KIAA1671: variants seen among roughly 807,000 people sequenced by gnomAD.
KIAA1671 encodes uncharacterized protein KIAA1671.
A neutral mutation model predicts 131.2 loss-of-function variants in KIAA1671; 52 were observed. The ratio of observed to expected loss-of-function variants is 0.40; its 90% CI spans 0.32 to 0.50. The LOEUF is 0.50. KIAA1671 is among the 20% of genes least tolerant of loss of function. The pLI is 0.73. For synonymous variants in KIAA1671, 1,003 were observed against 961.6 expected (o/e 1.04, Z -0.80); for missense variants, 2,360 against 2,364.2 (o/e 1.00, Z 0.04).
chr22:25,101,861 GAAGA>G (rs1568956186), intron 6 of KIAA1671, among the ~76,000 whole-genome samples: 1 of 152,198 alleles, frequency 6.6e-6, no homozygotes, highest in African/African-American at 2.4e-5. Flanking sequence ...ACCTGGAGGG[GAAGA>G]CTGATGGGTA....
chr22:25,174,581 G>A, intron 8 of KIAA1671, 92 bp downstream of exon 8: 4 of 1,407,796 alleles, frequency 2.8e-6, no homozygotes, highest in Non-Finnish European at 3.8e-6. Flanking sequence ...TGTGTGCCAG[G>A]GACCCTTGGA....
chr22:25,027,499 G>A (rs1926012318), intron 2 of KIAA1671, among the ~76,000 whole-genome samples: 1 of 152,354 alleles, frequency 6.6e-6, no homozygotes, highest in African/African-American at 2.4e-5. Flanking sequence ...TCCCACTGAG[G>A]CCTATTCAGG....
chr22:25,130,111 C>G (rs1932368677), intron 6 of KIAA1671, among the ~76,000 whole-genome samples: 1 of 151,892 alleles, frequency 6.6e-6, no homozygotes. Flanking sequence ...CAATTATTAT[C>G]AATATGATTA....
At chr22:24,955,645 G>A (rs1251535214) in intron 1 of KIAA1671, among the ~76,000 whole-genome samples, 1 of 152,154 alleles carries the variant, frequency 6.6e-6, no homozygotes, top group Non-Finnish European at 1.5e-5. Context: ...TGTGTTTTGG[G>A]AAGCTTGCCC....
Position 25,185,003 on chromosome 22 carries a change from G to A in KIAA1671, c.5226G>A (p.Val1742=), listed in dbSNP as rs1194908334. 6.4e-7 allele frequency: 1 copy of A among 1,551,596 alleles called. No individual in the cohort carries two copies. The highest frequency in any genetic ancestry group is 8.7e-7 in the Non-Finnish European group (1 of 1,146,994). ...LKAQLHKRPE[V]DSPGETPSWA... The stretch of plus-strand genomic sequence containing the variant: ...CTCAGCTGCACAAGAGGCCAGAGGT[G>A]GACAGTCCTGGCGAGACCCCCAGCT... The change falls in exon 11 of 13, where the codon GTG becomes GTA. Residue 1742 remains valine (V), a synonymous_variant. Transcript: ENST00000358431.
At chr22:25,128,430 A>G (rs142258953) in intron 6 of KIAA1671, among the ~76,000 whole-genome samples, 331 of 152,318 alleles carry the variant, frequency 2.2e-3, no homozygotes, top group African/African-American at 6.0e-3. Flanking sequence ...GAGCTGTGCT[A>G]TCTTGCCAGG....
In KIAA1671 at chr22:25,028,418, G is replaced by C. The variant is rs771580715; in HGVS notation, c.419G>C (p.Ser140Thr). ...AACAAGGCTGTGTTCCTGCGGCCCA[G>C]CTCCAGCACCATGATTCTCTTCGAA... ...LFNKAVFLRPSSSTMILFETT... is the reference protein window; with the variant it reads ...LFNKAVFLRPTSSTMILFETT... The change falls in exon 3 of 13, where the codon AGC (serine) becomes ACC (threonine). Residue 140 changes from serine to threonine, a missense_variant. By Grantham distance (58) the Ser-to-Thr change is moderately conservative (BLOSUM62 1). This residue lies in a region of KIAA1671 where 1,185 missense variants were observed against 1,126.2 expected (regional missense o/e 1.05). Coordinates refer to ENST00000358431, the MANE Select transcript of KIAA1671 (RefSeq NM_001145206.2). The C allele has an allele frequency of 4.2e-5, 65 of 1,550,874 alleles. No individual in the cohort carries two copies. Among genetic ancestry groups the C allele is most frequent in the Non-Finnish European group, 5.5e-5 (63 of 1,146,818 alleles).
At chr22:25,023,944 CAAA>C (rs55709961) in intron 1 of KIAA1671, 1 of 147,924 alleles carries the variant, frequency 6.8e-6, no homozygotes, top group Non-Finnish European at 1.5e-5. Flanking sequence ...AACTCTGTTT[CAAA>C]AAAAAAAAAT....
chr22:25,065,483 G>T (rs1194115942), intron 6 of KIAA1671, among the ~76,000 whole-genome samples: 1 of 152,066 alleles, frequency 6.6e-6, no homozygotes, highest in African/African-American at 2.4e-5. Context: ...CTTGCTACAT[G>T]CGAGTCTTCT....
chr22:24,984,257 C>T (rs1055300216), intron 1 of KIAA1671, among the ~76,000 whole-genome samples: 3 of 152,190 alleles, frequency 2.0e-5, no homozygotes, highest in Non-Finnish European at 4.4e-5. Context: ...AGCCTCAAAT[C>T]CTTTGCAGAT....
chr22:25,180,917 C>T (rs1601388836), intron 9 of KIAA1671, among the ~76,000 whole-genome samples: 1 of 152,306 alleles, frequency 6.6e-6, no homozygotes, highest in East Asian at 1.9e-4. Flanking sequence ...ACAAATACCC[C>T]CAGCTGGAAC....
intron 8 of KIAA1671, chr22:25,175,298 G>A (rs1034429466): frequency 2.0e-5 from 3 of 152,230 alleles, no homozygotes; most frequent in African/African-American, 7.2e-5. Context: ...ATGTGAAAGG[G>A]ACCCTCTCTC....
rs922382667 is a variant in KIAA1671, at chr22:25,028,155, C to T, written c.156C>T (p.Ser52=). The change falls in exon 3 of 13, where the codon AGC becomes AGT. Residue 52 remains serine (S), a synonymous_variant. Coordinates refer to ENST00000358431, the MANE Select transcript of KIAA1671 (RefSeq NM_001145206.2). ...CAGCCCGGATCTTGGAAGCGAAGAG[C>T]CCCCTGCGGAGCCCGGCCCGGTTAC... ...APPARILEAK[S]PLRSPARLLP... is the part of the protein sequence containing the mutation. The T allele has an allele frequency of 3.2e-6, 5 of 1,550,674 alleles. No homozygotes were observed. In the South Asian group the frequency reaches 3.6e-5, roughly 11 times the overall value.
At chr22:25,008,172 TGA>T (rs1373688202) in intron 1 of KIAA1671, among the ~76,000 whole-genome samples, 3 of 123,398 alleles carry the variant, frequency 2.4e-5, no homozygotes, top group Non-Finnish European at 4.7e-5. Context: ...CACTCCAGCC[TGA>T]GAGACAGAGT....
In KIAA1671 at chr22:24,967,854, G is replaced by A. The variant is rs530771226; in HGVS notation, c.-208+15082G>A. Among the ~76,000 whole-genome samples, 32 of 152,246 alleles carry A rather than the reference G, an allele frequency of 2.1e-4. No homozygotes were observed. The East Asian group carries it at 3.1e-3, about 15-fold the overall frequency. On this transcript the variant is annotated intron_variant, in intron 1 of 12. Coordinates refer to ENST00000358431, the MANE Select transcript of KIAA1671 (RefSeq NM_001145206.2). ...AAAAAATACAAAAATTTAGCCGGGC[G>A]TGGTGGCGGGTGCCTGTAGTCCCAG...
At chr22:24,964,927 C>T (rs969564079) in intron 1 of KIAA1671, among the ~76,000 whole-genome samples, 2 of 152,128 alleles carry the variant, frequency 1.3e-5, no homozygotes, top group Admixed American at 6.6e-5. Context: ...CCGAAAAATC[C>T]TAGTGTTAGA....
chr22:25,078,336 G>A (rs1929221538), intron 6 of KIAA1671, among the ~76,000 whole-genome samples: 1 of 152,160 alleles, frequency 6.6e-6, no homozygotes, highest in African/African-American at 2.4e-5. Context: ...ACCAGCTTGG[G>A]TAACACAGCA....
intron 6 of KIAA1671, among the ~76,000 whole-genome samples, chr22:25,119,564 A>G (rs1226095915): frequency 6.6e-6 from 1 of 152,226 alleles, no homozygotes; most frequent in African/African-American, 2.4e-5. Context: ...GACACATTAA[A>G]CAATTAAGTA....
chr22:25,160,675 C>T (rs987072361), intron 6 of KIAA1671, among the ~76,000 whole-genome samples: 2 of 152,188 alleles, frequency 1.3e-5, no homozygotes, highest in African/African-American at 4.8e-5. Context: ...GACCATCCCC[C>T]TGCCTCAGCC....
Sources: allele counts gnomAD v4.1 joint callset (sites outside exome capture counted in the v4.1 genomes callset), GRCh38; gene constraint gnomAD v4.1.1; regional missense constraint gnomAD v4.1.1; transcripts MANE v1.5; gene names NCBI Gene and HGNC (gene_info 2026-07-23, HGNC 2026-07-21).